LINGO2: variants seen among roughly 807,000 people sequenced by gnomAD.
The protein encoded by LINGO2 is leucine rich repeat and Ig domain containing 2, also known as leucine-rich repeat and immunoglobulin-like domain-containing nogo receptor-interacting protein 2.
LINGO2 carries 14 observed loss-of-function variants against 30.6 expected under a neutral mutation model. The ratio of observed to expected loss-of-function variants is 0.46; its 90% confidence interval spans 0.30 to 0.72. The LOEUF is 0.72. Among genes scored for constraint, LINGO2 ranks in the 30% least tolerant of loss-of-function variants. The probability of loss-of-function intolerance (pLI) is 0.07; values close to 1 mark genes in which losing one functional copy is unlikely to be tolerated. For missense variants in LINGO2, 729 were observed against 751.7 expected (o/e 0.97, Z 0.35); for synonymous variants, 317 against 288.5 (o/e 1.10, Z -1.00).
At chr9:29,079,419 G>C in the LINGO2 span, among the ~76,000 whole-genome samples, 1 of 151,828 alleles carries the variant, frequency 6.6e-6, no homozygotes, top group East Asian at 1.9e-4. Context: ...CTATAAAATA[G>C]GTCAGTGATT....
the LINGO2 span, among the ~76,000 whole-genome samples, chr9:29,196,448 G>T: frequency 5.7e-4 from 86 of 152,154 alleles, no homozygotes; most frequent in Admixed American, 2.9e-3. Flanking sequence ...GCAACTTGAA[G>T]ATTTTTAAAG....
chr9:28,154,494 C>T (rs1419092195), intron 4 of LINGO2, among the ~76,000 whole-genome samples: 1 of 152,142 alleles, frequency 6.6e-6, no homozygotes, highest in Non-Finnish European at 1.5e-5. Context: ...TATGAAGGCA[C>T]AGGACAGATT....
At chr9:29,076,197 A>C in the LINGO2 span, among the ~76,000 whole-genome samples, 1 of 152,048 alleles carries the variant, frequency 6.6e-6, no homozygotes, top group East Asian at 1.9e-4. Context: ...TCGTTAAGAC[A>C]CTATGTTCTG....
At chr9:28,065,885 T>C (rs34622538) in intron 4 of LINGO2, among the ~76,000 whole-genome samples, 3,510 of 152,114 alleles carry the variant, frequency 0.023, 62 homozygotes, top group Middle Eastern at 0.037. Context: ...CCCAGAAATA[T>C]TAAATTGTTC....
At chr9:28,897,303 A>G in the LINGO2 span, among the ~76,000 whole-genome samples, 1 of 152,156 alleles carries the variant, frequency 6.6e-6, no homozygotes, top group African/African-American at 2.4e-5. Context: ...AAAGTTCCAC[A>G]TAGGACATGA....
At chr9:28,642,197 A>G (rs1461542468) in intron 1 of LINGO2, among the ~76,000 whole-genome samples, 1 of 152,114 alleles carries the variant, frequency 6.6e-6, no homozygotes, top group Admixed American at 6.5e-5. Flanking sequence ...GTGAAAACTG[A>G]GAAAAAAAGT....
intron 4 of LINGO2, among the ~76,000 whole-genome samples, chr9:28,162,145 C>T (rs1828305149): frequency 6.6e-6 from 1 of 151,898 alleles, no homozygotes; most frequent in African/African-American, 2.4e-5. Context: ...GAAACCAGTA[C>T]CAAATTAGGC....
chr9:28,281,979 A>G (rs1823344303), intron 4 of LINGO2, among the ~76,000 whole-genome samples: 1 of 152,104 alleles, frequency 6.6e-6, no homozygotes, highest in Non-Finnish European at 1.5e-5. Context: ...GATCTTTATA[A>G]CACAAACATT....
intron 4 of LINGO2, among the ~76,000 whole-genome samples, chr9:28,290,276 C>T (rs552129284): frequency 6.6e-6 from 1 of 152,240 alleles, no homozygotes; most frequent in South Asian, 2.1e-4. Flanking sequence ...AAGTATTGGT[C>T]TTACTGGATA....
At chr9:28,312,622 G>A (rs554500069) in intron 3 of LINGO2, among the ~76,000 whole-genome samples, 16 of 151,998 alleles carry the variant, frequency 1.1e-4, no homozygotes, top group Non-Finnish European at 1.9e-4. Flanking sequence ...CATTAGATTG[G>A]GTTCAAATAA....
chr9:28,491,979 G>C (rs897896613), intron 1 of LINGO2, among the ~76,000 whole-genome samples: 3 of 152,170 alleles, frequency 2.0e-5, no homozygotes, highest in African/African-American at 7.2e-5. Flanking sequence ...CTGAACAAAT[G>C]TATCAAATTA....
At chr9:28,078,964 T>C (rs1159126600) in intron 4 of LINGO2, among the ~76,000 whole-genome samples, 1 of 148,810 alleles carries the variant, frequency 6.7e-6, no homozygotes, top group African/African-American at 2.6e-5. Flanking sequence ...ATGGGTGCAA[T>C]GCCTTTACAG....
At chr9:28,492,898 C>A (rs1051318598) in intron 1 of LINGO2, among the ~76,000 whole-genome samples, 1 of 152,086 alleles carries the variant, frequency 6.6e-6, no homozygotes, top group East Asian at 1.9e-4. Context: ...CATCACTGAG[C>A]AATTATCCTA....
rs956137305 is a variant in LINGO2 at position 28,148,761 on chromosome 9, C to T, written c.-86-136356G>A. 3 of 1,533,992 alleles carry T rather than the reference C, an allele frequency of 2.0e-6. No individual in the cohort carries two copies. The highest frequency in any genetic ancestry group is 1.4e-5 in the African/African-American group (1 of 72,984). On this transcript the variant is annotated intron_variant, in intron 4 of 5. Transcript: ENST00000379992. This position sits in a 1 kb window ranked among gnomAD's most constrained non-coding sequence, Gnocchi z 5.1. Reference sequence around the variant, plus strand: ...CCCTTTGGGAAGCCTGACCCACTTCCAACAGTGCTCCCTGCCCCAGTTCCA... The same window carrying T: ...CCCTTTGGGAAGCCTGACCCACTTCTAACAGTGCTCCCTGCCCCAGTTCCA...
At chr9:28,933,059 A>G in the LINGO2 span, among the ~76,000 whole-genome samples, 1 of 151,982 alleles carries the variant, frequency 6.6e-6, no homozygotes, top group Non-Finnish European at 1.5e-5. Context: ...GACATACACC[A>G]CCATGCCTGG....
At chr9:28,091,422 A>T (rs1826081905) in intron 4 of LINGO2, among the ~76,000 whole-genome samples, 1 of 152,216 alleles carries the variant, frequency 6.6e-6, no homozygotes, top group Admixed American at 6.5e-5. Flanking sequence ...CTGATATTTG[A>T]TAAACCTGAC....
intron 4 of LINGO2, among the ~76,000 whole-genome samples, chr9:28,079,941 C>T (rs532610682): frequency 3.3e-5 from 5 of 152,312 alleles, no homozygotes; most frequent in African/African-American, 1.2e-4. Flanking sequence ...AACTCCGTTG[C>T]CGAAGTAAAA....
intron 5 of LINGO2, among the ~76,000 whole-genome samples, chr9:28,011,886 G>A (rs1822572144): frequency 6.6e-6 from 1 of 151,986 alleles, no homozygotes; most frequent in Non-Finnish European, 1.5e-5. Flanking sequence ...CCACATGTAT[G>A]CCAACAACTG....
At position 28,313,669 on chromosome 9, in the gene LINGO2, T is replaced by C. The variant is rs564456512; in HGVS notation, c.-245-18303A>G. On this transcript the variant is annotated intron_variant, in intron 3 of 5. Transcript: ENST00000379992. Reference sequence around the variant, plus strand: ...CAAACTTATTCTGTATCAAATTCTATTTTGAAGAAAGTTGCTTCTCGAGTT... The same window carrying C: ...CAAACTTATTCTGTATCAAATTCTACTTTGAAGAAAGTTGCTTCTCGAGTT... Among the ~76,000 whole-genome samples, 24 of 152,282 alleles carry C rather than the reference T, an allele frequency of 1.6e-4. No homozygotes were observed. The South Asian group carries it at 4.8e-3, about 30-fold the overall frequency.
Sources: gnomAD v4.1 joint callset for allele counts (sites outside exome capture counted in the v4.1 genomes callset) on GRCh38, gnomAD v4.1.1 for gene constraint, Gnocchi (gnomAD v3.1) non-coding constraint, MANE v1.5 for transcripts, NCBI Gene and HGNC (gene_info 2026-07-23, HGNC 2026-07-21) for gene names.